Variants in MYO1C observed in about 807,000 individuals in gnomAD.
MYO1C encodes the protein unconventional myosin-Ic.
In MYO1C, 104 loss-of-function variants were observed where a neutral mutation model predicts 150.8. That is an observed-to-expected ratio of 0.69 (90% CI 0.59 to 0.81). MYO1C has a LOEUF of 0.81. Among genes scored for constraint, MYO1C ranks in the 30% least tolerant of loss-of-function variants. The probability of loss-of-function intolerance (pLI) is 0.00; values close to 1 mark genes in which losing one functional copy is unlikely to be tolerated. For missense variants in MYO1C, 1,504 were observed against 1,435.0 expected (o/e 1.05, Z -0.78); for synonymous variants, 663 against 579.9 (o/e 1.14, Z -2.06).
rs919305995 is a variant in MYO1C at position 1,492,571 on chromosome 17, G to C, written c.-84C>G. The C allele has an allele frequency of 6.1e-6, 8 of 1,321,996 alleles. No individual in the cohort carries two copies. Among genetic ancestry groups the C allele is most frequent in the Middle Eastern group, 2.4e-4 (1 of 4,208 alleles). 81.9% of individuals were successfully genotyped at this position (1,321,996 alleles called of 1,614,324 possible). On this transcript the variant is annotated 5_prime_UTR_variant, in exon 1 of 32. Transcript: ENST00000648651. ...CCCACTGGCGGGCTCCGACCACTCC[G>C]GGACCAGGAACCTACGGTCTAACGC...
Position 1,470,227 on chromosome 17 carries a change from G to T in MYO1C, c.2474C>A (p.Pro825His). Residue 825 changes from proline (P) to histidine (H), a missense_variant, in exon 24 of 32, where the codon CCC becomes CAC. Transcript: ENST00000648651. The part of the protein sequence containing the change: ...SFLLNLRRQL[P>H]QNVLDTSWPT... Reference sequence around the variant, plus strand: ...CCACGAGGTGTCCAGGACATTCTGGGGCAGCTGCCGCCTCAGGTTTAGCAA... The same window carrying T: ...CCACGAGGTGTCCAGGACATTCTGGTGCAGCTGCCGCCTCAGGTTTAGCAA... 1 of 1,611,170 alleles carries T rather than the reference G, an allele frequency of 6.2e-7. No homozygotes were observed. The highest frequency in any genetic ancestry group is 1.1e-5 in the South Asian group (1 of 90,694).
At chr17:1,468,648 C>T (rs2074233150) in intron 25 of MYO1C, 152 bp from the exon 26 acceptor site, 7 of 660,882 alleles carry the variant, frequency 1.1e-5, no homozygotes, top group Admixed American at 4.5e-5. Context: ...GCCCCCCACA[C>T]GCCCATCAAC....
intron 14 of MYO1C, among the ~76,000 whole-genome samples, chr17:1,475,926 T>A (rs191913787): frequency 3.3e-5 from 5 of 152,178 alleles, no homozygotes; most frequent in Admixed American, 3.3e-4. Context: ...TGCAGGATAT[T>A]TACCCTGAGC....
intron 1 of MYO1C, chr17:1,485,772 C>CGGT (rs1285612416): frequency 3.0e-5 from 30 of 1,014,190 alleles, no homozygotes; most frequent in African/African-American, 2.8e-4. Context: ...GGCTCGGCGG[C>CGGT]GGTGGCGGCG....
Position 1,471,344 on chromosome 17 carries a change from C to T in MYO1C, c.2022-8G>A. On this transcript the variant is annotated splice_region_variant and splice_polypyrimidine_tract_variant and intron_variant, in intron 19 of 31. Coordinates refer to ENST00000648651, the MANE Select transcript of MYO1C (RefSeq NM_001080779.2). ...GGGCACAGTGACTTGTACCTGGGGA[C>T]AGGAATGCACGCGGCTCCCACCCCA... The T allele has an allele frequency of 1.2e-6, 2 of 1,612,638 alleles. No individual in the cohort carries two copies. The highest frequency in any genetic ancestry group is 1.7e-6 in the Non-Finnish European group (2 of 1,179,224).
intron 31 of MYO1C, 37 bp from the exon 32 acceptor site, chr17:1,465,789 G>T: frequency 7.6e-7 from 1 of 1,313,108 alleles, no homozygotes. Context: ...GTGGTGAGGG[G>T]AGCAGACGGG....
At chr17:1,468,752 C>G in intron 25 of MYO1C, 2 of 555,420 alleles carry the variant, frequency 3.6e-6, no homozygotes, top group East Asian at 6.2e-5. Context: ...GTAATGCTTC[C>G]CCACCCCATC....
At chr17:1,483,182 C>CCCCCAGTCCCCA in intron 3 of MYO1C, 123 bp from the exon 4 acceptor site, 1 of 970,498 alleles carries the variant, frequency 1.0e-6, no homozygotes. Flanking sequence ...AGGATGGGGA[C>CCCCCAGTCCCCA]TGGGGGTCCC....
chr17:1,468,181 G>C, intron 27 of MYO1C, 58 bp from the exon 28 acceptor site: 1 of 1,610,920 alleles, frequency 6.2e-7, no homozygotes, highest in Non-Finnish European at 8.5e-7. Context: ...CTCCGCCCCT[G>C]CCCTGACCTG....
At chr17:1,481,923 GT>G (rs1224823892) in intron 5 of MYO1C, among the ~76,000 whole-genome samples, 1 of 151,864 alleles carries the variant, frequency 6.6e-6, no homozygotes, top group African/African-American at 2.4e-5. Context: ...TCTGGCCGCT[GT>G]GGCCTCCGTG....
chr17:1,469,379 C>CGGGGT, intron 25 of MYO1C, 152 bp downstream of exon 25: 1 of 728,462 alleles, frequency 1.4e-6, no homozygotes, highest in Non-Finnish European at 2.4e-6. Context: ...TAGAGTAGAC[C>CGGGGT]AGGGTAAATA....
chr17:1,480,799 G>A lies in MYO1C; in HGVS notation c.714C>T (p.His238=). 1 of 1,614,178 alleles carries A rather than the reference G, an allele frequency of 6.2e-7. No individual in the cohort carries two copies. Among genetic ancestry groups the A allele is most frequent in the South Asian group, 1.1e-5 (1 of 91,084 alleles). The change falls in exon 6 of 32, where the codon CAC becomes CAT. Residue 238 remains histidine (H), a synonymous_variant. Transcript: ENST00000648651. ...CCCCCTCCAGCAGCTGGTAGAAGAT[G>A]TGGAAGTTCCGCTCCCCATGATTCT... is the stretch of plus-strand genomic sequence containing the variant. ...VHQNHGERNF[H]IFYQLLEGGE... is the part of the protein sequence containing the mutation.
At chr17:1,488,724 A>G (rs1281389023) in intron 1 of MYO1C, among the ~76,000 whole-genome samples, 8 of 152,168 alleles carry the variant, frequency 5.3e-5, no homozygotes, top group South Asian at 2.1e-4. Context: ...GTGTGATTCT[A>G]TTATGTCACA....
chr17:1,464,547 G>A lies in MYO1C; in HGVS notation c.*1179C>T, dbSNP rs1425626512. ...GTCAAGGAGCCAGATATACTCTTAA[G>A]ACATGATGTGGGTTTTATGGGGCTC... On this transcript the variant is annotated 3_prime_UTR_variant, in exon 32 of 32. Transcript: ENST00000648651. The A allele has an allele frequency of 6.5e-6, 1 of 152,720 alleles. No individual in the cohort carries two copies. The highest frequency in any genetic ancestry group is 2.1e-4 in the South Asian group (1 of 4,834). 9.5% of individuals were successfully genotyped at this position (152,720 alleles called of 1,614,324 possible). A position where few individuals can be genotyped will look rare whatever the true frequency, so the allele number is the denominator to read the frequency against.
At position 1,480,875 on chromosome 17, in the gene MYO1C, A is replaced by C. The variant is rs1466168726; in HGVS notation, c.638T>G (p.Val213Gly). 1 of 1,613,982 alleles carries C rather than the reference A, an allele frequency of 6.2e-7. No homozygotes were observed. Among genetic ancestry groups the C allele is most frequent in the Admixed American group, 1.7e-5 (1 of 60,018 alleles). The change falls in exon 6 of 32, where the codon GTG (valine) becomes GGG (glycine). Residue 213 changes from valine to glycine, a missense_variant. Physicochemically the swap from Val to Gly is moderately radical, Grantham distance 109. Coordinates refer to ENST00000648651, the MANE Select transcript of MYO1C (RefSeq NM_001080779.2). ...GAGGTAACTGAGGATGTGGCCACCC[A>C]CGGGGGCACCCTGTGGGCAGGGCAG... ...DVQFDFKGAP[V>G]GGHILSYLLE...
intron 24 of MYO1C, 33 bp downstream of exon 24, chr17:1,470,142 T>C: frequency 6.3e-7 from 1 of 1,594,150 alleles, no homozygotes; most frequent in Non-Finnish European, 8.5e-7. Flanking sequence ...TGTACTATGA[T>C]GGTCCCTAAC....
rs1034502034 is a variant in MYO1C at position 1,484,186 on chromosome 17, C to G, written c.193G>C (p.Glu65Gln). 6.2e-7 allele frequency: 1 copy of G among 1,613,062 alleles called. No homozygotes were observed. ...ENFTSEAAFI[E>Q]NLRRRFRENL... Reference sequence around the variant, plus strand: ...TCCCGAAATCGCCGCCGCAGGTTCTCGATGAAGGCGGCCTCGCTGGTGAAG... The same window carrying G: ...TCCCGAAATCGCCGCCGCAGGTTCTGGATGAAGGCGGCCTCGCTGGTGAAG... The change falls in exon 2 of 32, where the codon GAG (glutamate) becomes CAG (glutamine). Residue 65 changes from glutamate (E) to glutamine (Q), a missense_variant. Coordinates refer to ENST00000648651, the MANE Select transcript of MYO1C (RefSeq NM_001080779.2).
At chr17:1,470,903 G>T (rs2074289425) in intron 21 of MYO1C, 168 bp downstream of exon 21, 3 of 927,982 alleles carry the variant, frequency 3.2e-6, no homozygotes, top group African/African-American at 1.6e-5. Flanking sequence ...GGTGGGGAGG[G>T]GCTCCAAGTC....
At position 1,482,527 on chromosome 17, in the gene MYO1C, T is replaced by C; in HGVS notation, c.578A>G (p.Asp193Gly). The C allele has an allele frequency of 1.2e-6, 2 of 1,614,082 alleles. No individual in the cohort carries two copies. Among genetic ancestry groups the C allele is most frequent in the Non-Finnish European group, 1.7e-6 (2 of 1,179,992 alleles). ...AFGNAKTLRN[D>G]NSSRFGKYMD... ...GTACTTCCCGAACCTGCTGGAGTTATCGTTCCGGAGGGTCTTGGCATTTCC... is the reference window on the plus strand; with the variant it reads ...GTACTTCCCGAACCTGCTGGAGTTACCGTTCCGGAGGGTCTTGGCATTTCC... Residue 193 changes from aspartate to glycine, a missense_variant, in exon 5 of 32, where the codon GAT becomes GGT. Asp to Gly is a moderately conservative substitution (Grantham distance 94). Transcript: ENST00000648651.
Sources: gnomAD v4.1 joint callset for allele counts (sites outside exome capture counted in the v4.1 genomes callset) on GRCh38, gnomAD v4.1.1 for gene constraint, MANE v1.5 for transcripts, NCBI Gene and HGNC (gene_info 2026-07-23, HGNC 2026-07-21) for gene names.